The following NEDD4L variants were observed in gnomAD, a reference collection of about 807,000 sequenced individuals.
NEDD4L encodes E3 ubiquitin-protein ligase NEDD4-like.
Under a neutral mutation model 148.9 loss-of-function variants are expected in NEDD4L, and 54 were observed. The observed-to-expected ratio is 0.36, with a 90% CI of 0.29 to 0.45. The LOEUF (loss-of-function observed/expected upper bound fraction) is 0.45. NEDD4L is among the 20% of genes least tolerant of loss of function. NEDD4L has a pLI of 1.00. For missense variants in NEDD4L, 856 were observed against 1,233.8 expected, an observed-to-expected ratio of 0.69 and a Z score of 4.59; for synonymous variants, 433 against 440.7, an observed-to-expected ratio of 0.98 and a Z score of 0.22.
chr18:58,353,647 T>G (rs2044209522), intron 18 of NEDD4L, among the ~76,000 whole-genome samples: 1 of 152,258 alleles, frequency 6.6e-6, no homozygotes, highest in South Asian at 2.1e-4. Context: ...TACCTATCTT[T>G]TGAAGAGGCT....
At chr18:58,084,297 T>TAGCTAA in intron 1 of NEDD4L, among the ~76,000 whole-genome samples, 1 of 152,246 alleles carries the variant, frequency 6.6e-6, no homozygotes, top group African/African-American at 2.4e-5. Flanking sequence ...AGGATTTTTT[T>TAGCTAA]TCCTCAAGTG....
At chr18:58,376,056 G>A (rs1013733105) in intron 24 of NEDD4L, among the ~76,000 whole-genome samples, 4 of 152,198 alleles carry the variant, frequency 2.6e-5, no homozygotes, top group East Asian at 1.9e-4. Flanking sequence ...AAGTCTTTTC[G>A]TAGATTCATT....
intron 2 of NEDD4L, among the ~76,000 whole-genome samples, chr18:58,187,923 T>C (rs1471704443): frequency 6.6e-6 from 1 of 152,212 alleles, no homozygotes; most frequent in African/African-American, 2.4e-5. Flanking sequence ...TCTAAAGAGC[T>C]GGGAATGTGC....
chr18:58,269,362 C>T (rs557925484), intron 5 of NEDD4L, among the ~76,000 whole-genome samples: 1 of 152,140 alleles, frequency 6.6e-6, no homozygotes, highest in Admixed American at 6.5e-5. Context: ...TTATTTCCCA[C>T]CCTGCATTCA....
At chr18:58,056,391 AC>A (rs2082085799) in intron 1 of NEDD4L, among the ~76,000 whole-genome samples, 1 of 152,158 alleles carries the variant, frequency 6.6e-6, no homozygotes, top group South Asian at 2.1e-4. Context: ...TGTCATGGGA[AC>A]TAGTTATGTT....
chr18:58,067,616 A>G (rs758336511), intron 1 of NEDD4L, among the ~76,000 whole-genome samples: 3 of 152,208 alleles, frequency 2.0e-5, no homozygotes, highest in Non-Finnish European at 2.9e-5. Flanking sequence ...AGTGTGAGCT[A>G]GGAAGAGGAG....
Position 58,237,222 on chromosome 18 carries a change from G to A in NEDD4L, c.123-8205G>A, listed in dbSNP as rs187030722. 2.0e-4 allele frequency among the ~76,000 whole-genome samples: 31 copies of A among 152,006 alleles called. No individual in the cohort carries two copies. The East Asian group carries it at 6.0e-3, about 29-fold the overall frequency. ...CTGTGTCTGTTTACCTCTATTCCCC[G>A]CCCCCCACTTTGGTGCCCACCACAG... On this transcript the variant is annotated intron_variant, in intron 2 of 30. Coordinates refer to ENST00000400345, the MANE Select transcript of NEDD4L (RefSeq NM_001144967.3).
intron 2 of NEDD4L, among the ~76,000 whole-genome samples, chr18:58,166,904 C>G (rs2036913315): frequency 1.3e-5 from 2 of 152,178 alleles, no homozygotes; most frequent in Admixed American, 1.3e-4. Context: ...GCTAGCTGTT[C>G]CATCCCGCAC....
At chr18:58,081,296 A>G (rs921489454) in intron 1 of NEDD4L, among the ~76,000 whole-genome samples, 1 of 148,154 alleles carries the variant, frequency 6.7e-6, no homozygotes, top group Admixed American at 6.7e-5. Flanking sequence ...GCTCACTGCA[A>G]GCTCTGCCTC....
intron 1 of NEDD4L, among the ~76,000 whole-genome samples, chr18:58,064,233 G>A (rs1348807703): frequency 6.6e-6 from 1 of 152,062 alleles, no homozygotes; most frequent in African/African-American, 2.4e-5. Context: ...CAAAGTGCTG[G>A]GATTACAGGC....
intron 1 of NEDD4L, among the ~76,000 whole-genome samples, chr18:58,155,102 G>A (rs1405536214): frequency 6.6e-6 from 1 of 152,168 alleles, no homozygotes; most frequent in Non-Finnish European, 1.5e-5. Flanking sequence ...GCATCATGCA[G>A]TTGCCTTCAA....
intron 5 of NEDD4L, among the ~76,000 whole-genome samples, chr18:58,314,893 C>T (rs1180179857): frequency 6.6e-6 from 1 of 152,166 alleles, no homozygotes; most frequent in East Asian, 1.9e-4. Flanking sequence ...TCATATTTAC[C>T]TGCTGCTTCC....
chr18:58,265,103 T>C (rs1481931115), intron 5 of NEDD4L, among the ~76,000 whole-genome samples: 1 of 151,614 alleles, frequency 6.6e-6, no homozygotes, highest in African/African-American at 2.4e-5. Context: ...AACTGTGTCA[T>C]GGAGGGGCAA....
Position 58,268,917 on chromosome 18 carries a change from T to G in NEDD4L, c.297+16863T>G, listed in dbSNP as rs901063798. On this transcript the variant is annotated intron_variant, in intron 5 of 30. Transcript: ENST00000400345. ...TGCTCTTGGGAGCATTCTTTCAATC[T>G]GATACCCATGCAAGGGTGATGACAA... is the stretch of plus-strand genomic sequence containing the variant. 3.3e-5 allele frequency among the ~76,000 whole-genome samples: 5 copies of G among 152,114 alleles called. No individual in the cohort carries two copies. The Middle Eastern group carries it at 0.014, about 414-fold the overall frequency.
chr18:58,281,509 C>T (rs2053087463), intron 5 of NEDD4L, among the ~76,000 whole-genome samples: 1 of 152,072 alleles, frequency 6.6e-6, no homozygotes, highest in African/African-American at 2.4e-5. Context: ...CACATGGTCC[C>T]CTTCTTTATG....
At chr18:58,248,013 CCTGAA>C (rs983581007) in intron 3 of NEDD4L, among the ~76,000 whole-genome samples, 8 of 152,102 alleles carry the variant, frequency 5.3e-5, no homozygotes. Flanking sequence ...TTTTCATCTC[CCTGAA>C]CTGATCTATT....
chr18:58,325,112 C>T lies in NEDD4L; in HGVS notation c.630C>T (p.Tyr210=), dbSNP rs2059194729. 1 of 1,613,944 alleles carries T rather than the reference C, an allele frequency of 6.2e-7. No individual in the cohort carries two copies. The highest frequency in any genetic ancestry group is 8.5e-7 in the Non-Finnish European group (1 of 1,179,908). Residue 210 remains tyrosine (Y), a synonymous_variant, in exon 9 of 31, where the codon TAC becomes TAT. Coordinates refer to ENST00000400345, the MANE Select transcript of NEDD4L (RefSeq NM_001144967.3). ...EEKVDNLGRT[Y]YVNHNNRTTQ... is the part of the protein sequence containing the mutation. The stretch of plus-strand genomic sequence containing the variant: ...AAGTGGACAATTTAGGCCGAACTTA[C>T]TATGTCAACCACAACAACCGGACCA...
chr18:58,217,284 A>G (rs2043249244), intron 2 of NEDD4L, among the ~76,000 whole-genome samples: 1 of 152,166 alleles, frequency 6.6e-6, no homozygotes, highest in Non-Finnish European at 1.5e-5. Flanking sequence ...TGCCTGTGTC[A>G]TGTTATCTTC....
intron 5 of NEDD4L, among the ~76,000 whole-genome samples, chr18:58,255,062 G>A (rs1452713768): frequency 6.6e-6 from 1 of 152,162 alleles, no homozygotes; most frequent in Non-Finnish European, 1.5e-5. Context: ...TCATTATTCC[G>A]TGTGGCGGAA....
Sources: gnomAD v4.1 joint callset for allele counts (sites outside exome capture counted in the v4.1 genomes callset) on GRCh38, gnomAD v4.1.1 for gene constraint, MANE v1.5 for transcripts, NCBI Gene and HGNC (gene_info 2026-07-23, HGNC 2026-07-21) for gene names.